ERI1: variants seen among roughly 807,000 people sequenced by gnomAD.
ERI1 encodes the protein 3'-5' exoribonuclease 1.
A neutral mutation model predicts 39.7 loss-of-function variants in ERI1; 39 were observed. The observed-to-expected ratio is 0.98, with a 90% confidence interval of 0.76 to 1.28. ERI1 has a LOEUF of 1.28. Among genes scored for constraint, ERI1 ranks in the 50% most tolerant of loss-of-function variants. ERI1 has a pLI of 0.00. For synonymous variants in ERI1, 204 were observed against 149.6 expected (o/e 1.36, Z -2.65); for missense variants, 581 against 416.9 (o/e 1.39, Z -3.43).
Position 9,002,987 on chromosome 8 carries a change from C to G in ERI1, c.-77C>G, listed in dbSNP as rs76731828. On this transcript the variant is annotated 5_prime_UTR_variant, in exon 1 of 7. Coordinates refer to ENST00000250263, the MANE Select transcript of ERI1 (RefSeq NM_153332.4). ...CCGGTAATTTTTCAACGGAGAAAGGCGAGGCTTTCGGGCTCTGCAGAGTGA... is the reference window on the plus strand; with the variant it reads ...CCGGTAATTTTTCAACGGAGAAAGGGGAGGCTTTCGGGCTCTGCAGAGTGA... The G allele has an allele frequency of 1.7e-3, 1,739 of 1,026,308 alleles. 23 individuals carry two copies. The African/African-American group carries it at 0.025, about 15-fold the overall frequency. The allele number at this position is 1,026,308 out of a possible 1,614,324, so 63.6% of individuals were successfully genotyped here. A position where few individuals can be genotyped will look rare whatever the true frequency, so the allele number is the denominator to read the frequency against.
chr8:9,076,800 G>C (rs980042592), intron 3 of ERI1, among the ~76,000 whole-genome samples: 2 of 152,226 alleles, frequency 1.3e-5, no homozygotes, highest in Admixed American at 1.3e-4. Flanking sequence ...AGGGGGAAGC[G>C]GGGATGTGTG....
chr8:9,087,511 C>T (rs1799569194), intron 3 of ERI1, among the ~76,000 whole-genome samples: 1 of 151,186 alleles, frequency 6.6e-6, no homozygotes, highest in Non-Finnish European at 1.5e-5. Context: ...CCACCTCGGC[C>T]TCCTAAAGTG....
rs1797571145 is a variant in ERI1, at chr8:9,031,288, A to G, written c.*1254A>G. 6.6e-6 allele frequency: 1 copy of G among 152,142 alleles called. No homozygotes were observed. Among genetic ancestry groups the G allele is most frequent in the Non-Finnish European group, 1.5e-5 (1 of 68,024 alleles). 9.4% of individuals were successfully genotyped at this position (152,142 alleles called of 1,614,324 possible). On this transcript the variant is annotated 3_prime_UTR_variant, in exon 7 of 7. Transcript: ENST00000250263. The stretch of plus-strand genomic sequence containing the variant: ...TAGGGTGAAAAGCAGGAAAGTAGAC[A>G]TTTTTCTTGGCGTGGGAATTCTCTA...
intron 3 of ERI1, among the ~76,000 whole-genome samples, chr8:9,094,790 C>A (rs1448368466): frequency 5.3e-5 from 8 of 152,064 alleles, no homozygotes; most frequent in Non-Finnish European, 1.2e-4. Context: ...AGACAGGAAA[C>A]CCTGAAGTGT....
intron 3 of ERI1, among the ~76,000 whole-genome samples, chr8:9,063,550 G>A (rs1017367911): frequency 6.6e-6 from 1 of 152,132 alleles, no homozygotes; most frequent in Non-Finnish European, 1.5e-5. Context: ...TGGGTCTGTA[G>A]AAAAGGAAGA....
chr8:9,007,616 A>T (rs779723328), intron 1 of ERI1, among the ~76,000 whole-genome samples: 19 of 152,210 alleles, frequency 1.2e-4, no homozygotes, highest in Non-Finnish European at 2.4e-4. Context: ...AAGGAAATTG[A>T]GGATCAGAGG....
rs539087927 is a variant in ERI1 at position 9,065,444 on chromosome 8, C to T, written n.299+44980C>T. On this transcript the variant is annotated intron_variant and non_coding_transcript_variant, in intron 3 of 3. Coordinates refer to the ERI1 transcript ENST00000518663. ...GGCGCAGTGGCTCACACCTGTAATCCCAGCACTTTGGGAGGCTGAGGCAGG... is the reference window on the plus strand; with the variant it reads ...GGCGCAGTGGCTCACACCTGTAATCTCAGCACTTTGGGAGGCTGAGGCAGG... Among the ~76,000 whole-genome samples, 7 of 152,186 alleles carry T rather than the reference C, an allele frequency of 4.6e-5. No homozygotes were observed. In the East Asian group the frequency reaches 1.4e-3, roughly 29 times the overall value.
intron 3 of ERI1, among the ~76,000 whole-genome samples, chr8:9,084,860 A>C (rs1380534750): frequency 2.6e-5 from 4 of 152,238 alleles, no homozygotes; most frequent in African/African-American, 4.8e-5. Context: ...AGAGGTGTAC[A>C]CAAGCACTTC....
chr8:9,016,561 A>C (rs1449804693), intron 4 of ERI1, among the ~76,000 whole-genome samples, 156 bp downstream of exon 4: 2 of 151,684 alleles, frequency 1.3e-5, no homozygotes, highest in Non-Finnish European at 2.9e-5. Context: ...AAAAAAAAAA[A>C]CAGCAAATTT....
At chr8:9,065,196 C>G (rs1369926431) in intron 3 of ERI1, among the ~76,000 whole-genome samples, 1 of 152,136 alleles carries the variant, frequency 6.6e-6, no homozygotes, top group Non-Finnish European at 1.5e-5. Flanking sequence ...AGGCCTGACA[C>G]CAACTATCTA....
intron 3 of ERI1, among the ~76,000 whole-genome samples, chr8:9,072,888 T>A (rs1197150361): frequency 6.6e-6 from 1 of 152,212 alleles, no homozygotes; most frequent in Admixed American, 6.5e-5. Context: ...GAGGACCTCC[T>A]CAGTCTTGCA....
intron 3 of ERI1, 24 bp from the exon 4 acceptor site, chr8:9,016,298 T>A (rs750976737): frequency 6.0e-6 from 9 of 1,505,420 alleles, no homozygotes; most frequent in Non-Finnish European, 8.2e-6. Flanking sequence ...TAAATTACTT[T>A]AACTTGCTAT....
chr8:9,063,716 A>G (rs1798778489), intron 3 of ERI1, among the ~76,000 whole-genome samples: 2 of 152,180 alleles, frequency 1.3e-5, no homozygotes, highest in South Asian at 2.1e-4. Flanking sequence ...CCATTTGCCC[A>G]TTTTACAACA....
intron 3 of ERI1, among the ~76,000 whole-genome samples, chr8:9,044,825 T>G (rs947216133): frequency 6.6e-6 from 1 of 152,148 alleles, no homozygotes; most frequent in African/African-American, 2.4e-5. Flanking sequence ...AAACCTGCCC[T>G]TGACTCTCAC....
chr8:9,051,258 C>G (rs1358657200), intron 3 of ERI1, among the ~76,000 whole-genome samples: 1 of 151,732 alleles, frequency 6.6e-6, no homozygotes, highest in African/African-American at 2.4e-5. Flanking sequence ...CTGGTGAGGG[C>G]CTTGTTGCTG....
rs1422500845 is a variant in ERI1, at chr8:9,031,831, C to A, written c.*1797C>A. 6.6e-6 allele frequency: 1 copy of A among 152,284 alleles called. No homozygotes were observed. The highest frequency in any genetic ancestry group is 1.5e-5 in the Non-Finnish European group (1 of 68,130). The allele number at this position is 152,284 out of a possible 1,614,324, so 9.4% of individuals were successfully genotyped here. A position where few individuals can be genotyped will look rare whatever the true frequency, so the allele number is the denominator to read the frequency against. ...GGAGTGCAGTGGTGCGATCTTGGCT[C>A]ACTGCAACCTCCGCCTCCTGGGCTC... On this transcript the variant is annotated 3_prime_UTR_variant, in exon 7 of 7. Transcript: ENST00000250263.
chr8:9,015,314 A>G (rs188517128), intron 3 of ERI1, among the ~76,000 whole-genome samples: 180 of 152,230 alleles, frequency 1.2e-3, no homozygotes, highest in African/African-American at 3.1e-3. Context: ...CTCTATATCT[A>G]CTACCTAGGA....
At chr8:9,038,698 A>G (rs373477606) in intron 3 of ERI1, among the ~76,000 whole-genome samples, 21 of 152,348 alleles carry the variant, frequency 1.4e-4, no homozygotes, top group Admixed American at 2.0e-4. Flanking sequence ...TGGAGGCTAC[A>G]TTGCACGGAG....
intron 3 of ERI1, among the ~76,000 whole-genome samples, chr8:9,095,666 A>T (rs1402651771): frequency 6.6e-6 from 1 of 152,034 alleles, no homozygotes; most frequent in African/African-American, 2.4e-5. Context: ...GACTACAGGC[A>T]CATGCCACCA....
Sources: gnomAD v4.1 joint callset for allele counts (sites outside exome capture counted in the v4.1 genomes callset) on GRCh38, gnomAD v4.1.1 for gene constraint, MANE v1.5 for transcripts, NCBI Gene and HGNC (gene_info 2026-07-23, HGNC 2026-07-21) for gene names.